Variants in OPCML observed in about 807,000 individuals in gnomAD.
The protein encoded by OPCML is opioid-binding protein/cell adhesion molecule.
A neutral mutation model predicts 37.8 loss-of-function variants in OPCML; 13 were observed. That is an observed-to-expected ratio of 0.34 (90% confidence interval 0.22 to 0.55). The LOEUF (loss-of-function observed/expected upper bound fraction) is 0.55, where lower values mean the gene tolerates loss of function less well. Ranked by LOEUF, OPCML falls within the 20% of genes least tolerant of loss-of-function variation. The probability of loss-of-function intolerance (pLI) is 0.91; values close to 1 mark genes in which losing one functional copy is unlikely to be tolerated. For synonymous variants in OPCML, 176 were observed against 168.8 expected (o/e 1.04, Z -0.33); for missense variants, 341 against 435.6 (o/e 0.78, Z 1.93).
chr11:133,269,231 C>G (rs1471238628), intron 1 of OPCML, among the ~76,000 whole-genome samples: 1 of 152,154 alleles, frequency 6.6e-6, no homozygotes, highest in Non-Finnish European at 1.5e-5. Context: ...AATAATACCA[C>G]CAAATATGGG....
intron 2 of OPCML, among the ~76,000 whole-genome samples, chr11:132,922,292 G>C (rs1348704052): frequency 3.9e-5 from 6 of 152,056 alleles, no homozygotes; most frequent in Non-Finnish European, 5.9e-5. Flanking sequence ...ATCAGGAGTA[G>C]ACCCTCGACC....
intron 2 of OPCML, among the ~76,000 whole-genome samples, chr11:132,792,534 T>C (rs1377963483): frequency 1.3e-5 from 2 of 152,162 alleles, no homozygotes; most frequent in African/African-American, 4.8e-5. Context: ...GGTGTGGCCA[T>C]TCCTATAAGT....
intron 7 of OPCML, among the ~76,000 whole-genome samples, chr11:132,420,906 T>C (rs921865307): frequency 2.0e-5 from 3 of 152,154 alleles, no homozygotes; most frequent in Admixed American, 6.5e-5. Context: ...CCTAAAGGCC[T>C]TGAAGCAGAT....
At chr11:133,514,462 G>T (rs575239998) in intron 1 of OPCML, among the ~76,000 whole-genome samples, 1 of 152,254 alleles carries the variant, frequency 6.6e-6, no homozygotes, top group East Asian at 1.9e-4. Context: ...CTTCCTCCTC[G>T]TCTGGAGTGC....
At chr11:133,373,804 G>A (rs971153626) in intron 1 of OPCML, among the ~76,000 whole-genome samples, 3 of 151,996 alleles carry the variant, frequency 2.0e-5, no homozygotes, top group Admixed American at 6.6e-5. Context: ...CTTATGTTAT[G>A]GTCATCTTTC....
intron 2 of OPCML, among the ~76,000 whole-genome samples, chr11:132,745,506 C>T (rs1945586611): frequency 6.7e-6 from 1 of 150,056 alleles, no homozygotes. Flanking sequence ...TCTCCTCTCC[C>T]TTGCTCTGTT....
At chr11:133,468,355 T>C (rs976019992) in intron 1 of OPCML, among the ~76,000 whole-genome samples, 8 of 152,186 alleles carry the variant, frequency 5.3e-5, no homozygotes, top group African/African-American at 1.7e-4. Context: ...CGGAGACAGA[T>C]GCTGTGAGAC....
intron 2 of OPCML, among the ~76,000 whole-genome samples, chr11:132,738,534 A>C (rs529914236): frequency 6.6e-6 from 1 of 152,188 alleles, no homozygotes; most frequent in African/African-American, 2.4e-5. Context: ...AACTTGTAAC[A>C]TGAAAGTCTG....
chr11:133,100,128 A>T (rs1253220570), intron 1 of OPCML, among the ~76,000 whole-genome samples: 2 of 152,204 alleles, frequency 1.3e-5, no homozygotes, highest in Admixed American at 6.5e-5. Context: ...CTGAGTACAC[A>T]TGGGGACAAA....
At chr11:132,585,183 G>A (rs929200781) in intron 3 of OPCML, among the ~76,000 whole-genome samples, 24 of 151,950 alleles carry the variant, frequency 1.6e-4, no homozygotes, top group African/African-American at 5.8e-4. Context: ...AAAACTTTAG[G>A]CATCGATGTC....
At chr11:133,274,090 C>T (rs143139351) in intron 1 of OPCML, among the ~76,000 whole-genome samples, 181 of 152,248 alleles carry the variant, frequency 1.2e-3, no homozygotes, top group Non-Finnish European at 1.9e-3. Flanking sequence ...CGAGTACACA[C>T]CTGTTTGTTC....
At chr11:132,783,164 T>C (rs551135466) in intron 2 of OPCML, among the ~76,000 whole-genome samples, 10 of 152,016 alleles carry the variant, frequency 6.6e-5, no homozygotes, top group Non-Finnish European at 1.0e-4. Context: ...TTTCTAAGTC[T>C]CAAAGTCCCT....
At chr11:132,967,696 C>T (rs1297407719) in intron 1 of OPCML, among the ~76,000 whole-genome samples, 1 of 152,064 alleles carries the variant, frequency 6.6e-6, no homozygotes, top group Non-Finnish European at 1.5e-5. Flanking sequence ...ATTTATACTG[C>T]CTTTTATAAT....
At chr11:132,664,487 T>A (rs1231153530) in intron 2 of OPCML, among the ~76,000 whole-genome samples, 2 of 152,218 alleles carry the variant, frequency 1.3e-5, no homozygotes, top group African/African-American at 4.8e-5. Flanking sequence ...TTTTCATAAA[T>A]TGAGAGTTAA....
At chr11:133,238,073 T>C (rs967680952) in intron 1 of OPCML, among the ~76,000 whole-genome samples, 5 of 152,212 alleles carry the variant, frequency 3.3e-5, no homozygotes, top group African/African-American at 1.2e-4. Context: ...ATGGATTAAA[T>C]CATATGTCCA....
At chr11:132,961,311 TA>T (rs977424487) in intron 1 of OPCML, among the ~76,000 whole-genome samples, 18 of 152,050 alleles carry the variant, frequency 1.2e-4, no homozygotes, top group Admixed American at 6.5e-4. Flanking sequence ...TCTTAAATTT[TA>T]AAAAAAAGTA....
intron 1 of OPCML, among the ~76,000 whole-genome samples, chr11:133,369,380 A>G (rs1408484570): frequency 1.3e-5 from 2 of 152,214 alleles, no homozygotes; most frequent in South Asian, 2.1e-4. Context: ...AAACTTGACA[A>G]TGTAGAAAAG....
intron 1 of OPCML, among the ~76,000 whole-genome samples, chr11:132,998,751 C>A (rs1946936033): frequency 6.6e-6 from 1 of 152,028 alleles, no homozygotes; most frequent in South Asian, 2.1e-4. Context: ...TTATAAAAGG[C>A]CCAAATGAGA....
intron 3 of OPCML, among the ~76,000 whole-genome samples, chr11:132,599,692 A>G (rs532878050): frequency 6.6e-6 from 1 of 152,218 alleles, no homozygotes; most frequent in African/African-American, 2.4e-5. Flanking sequence ...TTTGATTTGT[A>G]TATTTTTTAC....
Sources: gnomAD v4.1 joint callset for allele counts (sites outside exome capture counted in the v4.1 genomes callset) on GRCh38, gnomAD v4.1.1 for gene constraint, MANE v1.5 for transcripts, NCBI Gene and HGNC (gene_info 2026-07-23, HGNC 2026-07-21) for gene names.